Variants in OPHN1 observed in about 807,000 individuals in gnomAD.
OPHN1 encodes the protein oligophrenin 1.
In OPHN1, 11 loss-of-function variants were observed where a neutral mutation model predicts 60.7. The ratio of observed to expected loss-of-function variants is 0.18; its 90% CI spans 0.11 to 0.30. OPHN1 has a LOEUF of 0.30. Among genes scored for constraint, OPHN1 ranks in the 10% least tolerant of loss-of-function variants. The pLI, the probability that OPHN1 is intolerant of heterozygous loss-of-function variation, is 1.00. For synonymous variants in OPHN1, 226 were observed against 222.6 expected, an observed-to-expected ratio of 1.02 and a Z score of -0.14; for missense variants, 449 against 611.0, an observed-to-expected ratio of 0.73 and a Z score of 2.80.
intron 23 of OPHN1, 55 bp from the exon 24 acceptor site, chrX:68,048,512 T>C (rs962557860): frequency 3.7e-6 from 4 of 1,080,890 alleles, no homozygotes; most frequent in Non-Finnish European, 5.1e-6. Flanking sequence ...ACTGGAAAGG[T>C]AAATTGGGGG....
At position 68,378,115 on chromosome X, in the gene OPHN1, T is replaced by C. The variant is rs181388466; in HGVS notation, c.154+54752A>G. ...CTGCTGTTTCCTGACTTTTTAATGA[T>C]TGCCATTCTAACTGGTGTGAGATGG... On this transcript the variant is annotated intron_variant, in intron 2 of 24. Coordinates refer to ENST00000355520, the MANE Select transcript of OPHN1 (RefSeq NM_002547.3). Among the ~76,000 whole-genome samples, 396 of 112,134 alleles carry C rather than the reference T, an allele frequency of 3.5e-3. 7 individuals are homozygous for C. The highest frequency in any genetic ancestry group is 0.032 in the Admixed American group (334 of 10,526).
chrX:68,395,943 T>A (rs1297955696), intron 2 of OPHN1, among the ~76,000 whole-genome samples: 1 of 111,170 alleles, frequency 9.0e-6, no homozygotes, highest in Non-Finnish European at 1.9e-5. Flanking sequence ...TTTCCTTCCA[T>A]TATATATTCT....
intron 6 of OPHN1, among the ~76,000 whole-genome samples, chrX:68,222,793 G>C (rs2077668355): frequency 1.5e-5 from 1 of 67,045 alleles, no homozygotes; most frequent in Admixed American, 2.0e-4. Flanking sequence ...TGGGGGGAGG[G>C]GGGAGGGATA....
rs370676145 is a variant in OPHN1 at position 68,425,723 on chromosome X, T to C, written c.154+7144A>G. Among the ~76,000 whole-genome samples, 8 of 108,519 alleles carry C rather than the reference T, an allele frequency of 7.4e-5. 1 individual carries two copies. The South Asian group carries it at 2.8e-3, about 38-fold the overall frequency. 94.2% of individuals were successfully genotyped at this position (108,519 alleles called of 115,157 possible). On this transcript the variant is annotated intron_variant, in intron 2 of 24. Transcript: ENST00000355520. The stretch of plus-strand genomic sequence containing the variant: ...AAACTATAGAATTATTTCTACTTTA[T>C]CAATTTTATGTACATTTAGAGTACT...
intron 2 of OPHN1, among the ~76,000 whole-genome samples, chrX:68,357,914 A>T (rs760864958): frequency 1.8e-5 from 2 of 110,009 alleles, no homozygotes; most frequent in Admixed American, 9.9e-5. Flanking sequence ...AGGCCAAAAT[A>T]GGCCAGAAAA....
At chrX:68,218,547 C>A in intron 6 of OPHN1, among the ~76,000 whole-genome samples, 1 of 110,415 alleles carries the variant, frequency 9.1e-6, no homozygotes, top group African/African-American at 3.3e-5. Context: ...GGGTTACCCT[C>A]AAAGGGAAGC....
At chrX:68,107,929 C>G (rs1398412507) in intron 18 of OPHN1, among the ~76,000 whole-genome samples, 2 of 111,957 alleles carry the variant, frequency 1.8e-5, no homozygotes, top group Non-Finnish European at 3.8e-5. Flanking sequence ...TTCCTCAATA[C>G]TCTTGCCCAA....
intron 19 of OPHN1, among the ~76,000 whole-genome samples, chrX:68,078,538 G>A (rs981531715): frequency 3.6e-5 from 4 of 111,586 alleles, no homozygotes; most frequent in African/African-American, 1.3e-4. Context: ...ACCCAAGTGA[G>A]TGTTATTAAT....
At chrX:68,346,292 A>G (rs1445862322) in intron 2 of OPHN1, among the ~76,000 whole-genome samples, 1 of 112,087 alleles carries the variant, frequency 8.9e-6, no homozygotes, top group Non-Finnish European at 1.9e-5. Flanking sequence ...GAATGAAAAC[A>G]CAGTTTTCAG....
intron 2 of OPHN1, among the ~76,000 whole-genome samples, chrX:68,354,287 AT>A (rs2078428400): frequency 9.6e-6 from 1 of 104,417 alleles, no homozygotes; most frequent in African/African-American, 3.5e-5. Flanking sequence ...TCTACTAAAA[AT>A]ACAAAAATTA....
intron 18 of OPHN1, among the ~76,000 whole-genome samples, chrX:68,107,511 G>T (rs2077086592): frequency 1.8e-5 from 2 of 111,735 alleles, no homozygotes; most frequent in South Asian, 7.5e-4. Flanking sequence ...GGTACATAAG[G>T]TGGTTTGTTC....
chrX:68,247,934 G>A (rs1370358877), intron 5 of OPHN1, among the ~76,000 whole-genome samples: 1 of 111,125 alleles, frequency 9.0e-6, no homozygotes, highest in Non-Finnish European at 1.9e-5. Flanking sequence ...TGCAGAGCAA[G>A]ATGTCGAAAT....
At chrX:68,311,120 A>G (rs953152941) in intron 2 of OPHN1, among the ~76,000 whole-genome samples, 1 of 110,394 alleles carries the variant, frequency 9.1e-6, no homozygotes, top group African/African-American at 3.3e-5. Context: ...ATTTAAAATC[A>G]CCAGGAATGG....
At chrX:68,218,384 A>T (rs1000554429) in intron 6 of OPHN1, among the ~76,000 whole-genome samples, 4 of 98,710 alleles carry the variant, frequency 4.1e-5, no homozygotes, top group African/African-American at 1.4e-4. Flanking sequence ...AAATTCCCCA[A>T]TCTAGCAAGG....
intron 5 of OPHN1, among the ~76,000 whole-genome samples, chrX:68,254,519 A>G (rs2077851869): frequency 9.0e-6 from 1 of 110,814 alleles, no homozygotes; most frequent in Non-Finnish European, 1.9e-5. Context: ...GATATCAGGC[A>G]GGCAAGCAAC....
intron 2 of OPHN1, among the ~76,000 whole-genome samples, chrX:68,379,376 C>A (rs1269827196): frequency 9.0e-6 from 1 of 110,876 alleles, no homozygotes; most frequent in East Asian, 2.8e-4. Flanking sequence ...CATCTGCAAA[C>A]AGGGACAATT....
chrX:68,287,813 G>C (rs148166465), intron 3 of OPHN1, among the ~76,000 whole-genome samples: 1 of 111,760 alleles, frequency 8.9e-6, no homozygotes, highest in East Asian at 2.8e-4. Context: ...ATTTTGGTTC[G>C]TTTTTGGAGT....
intron 6 of OPHN1, among the ~76,000 whole-genome samples, chrX:68,219,829 G>T (rs2077642389): frequency 9.7e-6 from 1 of 102,666 alleles, no homozygotes; most frequent in Non-Finnish European, 2.0e-5. Flanking sequence ...GAGAAAGCAG[G>T]AAAGATCCAA....
chrX:68,105,709 T>C (rs1425474330), intron 18 of OPHN1, among the ~76,000 whole-genome samples: 1 of 109,578 alleles, frequency 9.1e-6, no homozygotes, highest in Non-Finnish European at 1.9e-5. Context: ...CTAATGTAGA[T>C]GATGGGTTGA....
Sources: allele counts gnomAD v4.1 joint callset (sites outside exome capture counted in the v4.1 genomes callset), GRCh38; gene constraint gnomAD v4.1.1; transcripts MANE v1.5; gene names NCBI Gene and HGNC (gene_info 2026-07-23, HGNC 2026-07-21).